KCNQ3: variants seen among roughly 807,000 people sequenced by gnomAD.
KCNQ3 encodes potassium voltage-gated channel subfamily KQT member 3.
KCNQ3 carries 30 observed loss-of-function variants against 92.5 expected under a neutral mutation model. The observed-to-expected ratio is 0.32, with a 90% CI of 0.24 to 0.44. KCNQ3 has a LOEUF of 0.44. KCNQ3 is among the 20% of genes least tolerant of loss of function. The pLI is 1.00. For synonymous variants in KCNQ3, 450 were observed against 468.8 expected (o/e 0.96, Z 0.52); for missense variants, 913 against 1,140.3 (o/e 0.80, Z 2.87).
chr8:132,198,714 G>C (rs1827375802), intron 1 of KCNQ3, among the ~76,000 whole-genome samples: 3 of 152,120 alleles, frequency 2.0e-5, no homozygotes, highest in Admixed American at 2.0e-4. Flanking sequence ...GGCTGAGGCA[G>C]GAGAATAGCT....
At chr8:132,267,082 T>C (rs548682237) in intron 1 of KCNQ3, among the ~76,000 whole-genome samples, 1 of 152,254 alleles carries the variant, frequency 6.6e-6, no homozygotes, top group African/African-American at 2.4e-5. Context: ...GGGTTTCATA[T>C]CCAGACCTCA....
At chr8:132,161,144 C>T (rs1347722703) in intron 9 of KCNQ3, among the ~76,000 whole-genome samples, 2 of 152,252 alleles carry the variant, frequency 1.3e-5, no homozygotes, top group East Asian at 3.9e-4. Context: ...AGCTTTATAA[C>T]TAAATATGGA....
intron 1 of KCNQ3, among the ~76,000 whole-genome samples, chr8:132,294,346 A>G (rs1816954153): frequency 6.6e-6 from 1 of 152,118 alleles, no homozygotes; most frequent in Admixed American, 6.5e-5. Context: ...GTGATGATGG[A>G]GTGAATCAGA....
chr8:132,238,889 G>T (rs1475190649), intron 1 of KCNQ3, among the ~76,000 whole-genome samples: 2 of 152,128 alleles, frequency 1.3e-5, no homozygotes, highest in African/African-American at 4.8e-5. Context: ...AGGGAGAGAA[G>T]AAAAAAGTTA....
At chr8:132,431,699 T>C (rs1302871992) in intron 1 of KCNQ3, among the ~76,000 whole-genome samples, 2 of 152,224 alleles carry the variant, frequency 1.3e-5, no homozygotes, top group Non-Finnish European at 2.9e-5. Flanking sequence ...AACAGTGCTT[T>C]CAGGGTGAAA....
intron 1 of KCNQ3, among the ~76,000 whole-genome samples, chr8:132,327,448 C>T (rs1818093221): frequency 6.6e-6 from 1 of 152,108 alleles, no homozygotes; most frequent in South Asian, 2.1e-4. Flanking sequence ...GGGTTTGATC[C>T]CAGATCTGTA....
At chr8:132,285,237 G>A (rs1816647109) in intron 1 of KCNQ3, among the ~76,000 whole-genome samples, 1 of 152,314 alleles carries the variant, frequency 6.6e-6, no homozygotes, top group African/African-American at 2.4e-5. Flanking sequence ...AGTATTAAGG[G>A]TGATTCTGGT....
At chr8:132,449,852 A>AAACTGAG (rs1324308521) in intron 1 of KCNQ3, among the ~76,000 whole-genome samples, 2 of 152,174 alleles carry the variant, frequency 1.3e-5, no homozygotes, top group Admixed American at 6.5e-5. Context: ...AAAGTTTTAC[A>AAACTGAG]AACTGAGAAA....
chr8:132,261,232 T>C (rs535791399), intron 1 of KCNQ3, among the ~76,000 whole-genome samples: 1 of 152,324 alleles, frequency 6.6e-6, no homozygotes, highest in South Asian at 2.1e-4. Flanking sequence ...TTGGATGTAT[T>C]GGTTTCCTCT....
At chr8:132,244,089 C>T (rs1035513906) in intron 1 of KCNQ3, among the ~76,000 whole-genome samples, 4 of 152,142 alleles carry the variant, frequency 2.6e-5, no homozygotes, top group African/African-American at 9.7e-5. Flanking sequence ...TCCTCCTACA[C>T]CCCCTGGAAT....
At chr8:132,478,843 G>T (rs1822472459) in intron 1 of KCNQ3, among the ~76,000 whole-genome samples, 1 of 152,028 alleles carries the variant, frequency 6.6e-6, no homozygotes, top group Non-Finnish European at 1.5e-5. Context: ...CTAGAAAAAC[G>T]TCTCTAACCA....
chr8:132,196,093 A>G (rs915669541), intron 1 of KCNQ3, among the ~76,000 whole-genome samples: 1 of 152,184 alleles, frequency 6.6e-6, no homozygotes, highest in African/African-American at 2.4e-5. Flanking sequence ...CTCCAGTCAC[A>G]TCAAACTTAC....
chr8:132,136,757 C>T lies in KCNQ3; in HGVS notation c.1700+1128G>A, dbSNP rs915924022. Among the ~76,000 whole-genome samples, 11 of 151,976 alleles carry T rather than the reference C, an allele frequency of 7.2e-5. No individual in the cohort carries two copies. The East Asian group carries it at 1.2e-3, about 16-fold the overall frequency. ...GCATATATATGTGTACACACATGTC[C>T]GCATGTATTATTGGTAATTATATCA... On this transcript the variant is annotated intron_variant, in intron 12 of 14. Transcript: ENST00000388996.
intron 1 of KCNQ3, among the ~76,000 whole-genome samples, chr8:132,263,849 T>C (rs1023980235): frequency 4.6e-5 from 7 of 152,134 alleles, no homozygotes; most frequent in East Asian, 3.9e-4. Context: ...TTGGACACAG[T>C]GTATTCTTAC....
intron 9 of KCNQ3, among the ~76,000 whole-genome samples, chr8:132,161,095 C>T (rs905748081): frequency 2.6e-5 from 4 of 152,096 alleles, no homozygotes; most frequent in African/African-American, 4.8e-5. Flanking sequence ...GACAAGTCCA[C>T]GTAAATCAAA....
At chr8:132,317,884 TG>T (rs1275271206) in intron 1 of KCNQ3, among the ~76,000 whole-genome samples, 1 of 152,180 alleles carries the variant, frequency 6.6e-6, no homozygotes, top group Non-Finnish European at 1.5e-5. Context: ...TTATATTAAA[TG>T]GAGACGGGCC....
intron 1 of KCNQ3, among the ~76,000 whole-genome samples, chr8:132,287,045 T>TCTTTGTAAATTATC (rs201529653): frequency 0.026 from 3,920 of 152,300 alleles, 186 homozygotes; most frequent in African/African-American, 0.089. Context: ...AAACCTCTTT[T>TCTTTGTAAATTATC]CAGTCTCAGG....
rs1563847310 is a variant in KCNQ3, at chr8:132,298,574, A to T, written c.387-112393T>A. On this transcript the variant is annotated intron_variant, in intron 1 of 14. Coordinates refer to ENST00000388996, the MANE Select transcript of KCNQ3 (RefSeq NM_004519.4). ...GAAGATGGGGTGGGGGAGCCTTAAT[A>T]TACCGATTTTAGAATGTCTGTAAGA... is the stretch of plus-strand genomic sequence containing the variant. Among the ~76,000 whole-genome samples, 4 of 152,178 alleles carry T rather than the reference A, an allele frequency of 2.6e-5. No individual in the cohort carries two copies. In the South Asian group the frequency reaches 8.3e-4, roughly 32 times the overall value.
intron 1 of KCNQ3, among the ~76,000 whole-genome samples, chr8:132,439,650 T>G (rs2130835399): frequency 6.6e-6 from 1 of 150,802 alleles, no homozygotes; most frequent in Non-Finnish European, 1.5e-5. Context: ...GGAGTCAGAG[T>G]GAGAGAGAGA....
Sources: allele counts gnomAD v4.1 joint callset (sites outside exome capture counted in the v4.1 genomes callset), GRCh38; gene constraint gnomAD v4.1.1; transcripts MANE v1.5; gene names NCBI Gene and HGNC (gene_info 2026-07-23, HGNC 2026-07-21).